Variants in ANO3 observed in about 807,000 individuals in gnomAD.
ANO3 encodes anoctamin-3.
ANO3 carries 99 observed loss-of-function variants against 144.8 expected under a neutral mutation model. The observed-to-expected ratio is 0.68, with a 90% CI of 0.58 to 0.81. The LOEUF (loss-of-function observed/expected upper bound fraction) is 0.81, where lower values mean the gene tolerates loss of function less well. Ranked by LOEUF, ANO3 falls within the 30% of genes least tolerant of loss-of-function variation. The probability of loss-of-function intolerance (pLI) is 0.00; values close to 1 mark genes in which losing one functional copy is unlikely to be tolerated. For synonymous variants in ANO3, 414 were observed against 392.6 expected (o/e 1.05, Z -0.64); for missense variants, 905 against 1,202.2 (o/e 0.75, Z 3.66).
intron 1 of ANO3, among the ~76,000 whole-genome samples, chr11:26,342,879 T>C (rs1157201849): frequency 2.0e-5 from 3 of 152,230 alleles, no homozygotes; most frequent in Non-Finnish European, 4.4e-5. Flanking sequence ...CAAATAAGGA[T>C]TGTATATATA....
chr11:26,638,393 A>G (rs2133051353), intron 20 of ANO3, among the ~76,000 whole-genome samples: 1 of 152,340 alleles, frequency 6.6e-6, no homozygotes, highest in South Asian at 2.1e-4. Context: ...GTCTAAACAT[A>G]AGAAAAACCA....
At chr11:26,506,841 A>G (rs960475891) in intron 4 of ANO3, among the ~76,000 whole-genome samples, 7 of 152,144 alleles carry the variant, frequency 4.6e-5, no homozygotes, top group Non-Finnish European at 5.9e-5. Context: ...ATCTCCTTAA[A>G]CATCAGGTTG....
chr11:26,216,127 T>C (rs1251457514), intron 1 of ANO3, among the ~76,000 whole-genome samples: 3 of 152,072 alleles, frequency 2.0e-5, no homozygotes, highest in Non-Finnish European at 2.9e-5. Context: ...TATAATACGT[T>C]ATTCCTTTTA....
chr11:26,407,264 A>G (rs1857313700), intron 1 of ANO3, among the ~76,000 whole-genome samples: 1 of 151,240 alleles, frequency 6.6e-6, no homozygotes, highest in African/African-American at 2.4e-5. Flanking sequence ...TTGTTCTATT[A>G]CTTTGAGTGC....
intron 1 of ANO3, among the ~76,000 whole-genome samples, chr11:26,296,612 T>C (rs1777590943): frequency 6.6e-6 from 1 of 152,162 alleles, no homozygotes; most frequent in African/African-American, 2.4e-5. Flanking sequence ...TCAATCATTC[T>C]TACTATCTTG....
At chr11:26,316,788 T>A (rs1036175176) in intron 1 of ANO3, among the ~76,000 whole-genome samples, 1 of 152,162 alleles carries the variant, frequency 6.6e-6, no homozygotes, top group African/African-American at 2.4e-5. Context: ...GGGATAGGAA[T>A]CTTGGTGATG....
chr11:26,531,851 GTTTA>G (rs775210495), intron 8 of ANO3, among the ~76,000 whole-genome samples: 3 of 151,924 alleles, frequency 2.0e-5, no homozygotes, highest in Admixed American at 6.6e-5. Flanking sequence ...ATACATACCT[GTTTA>G]TTTATTCATG....
At chr11:26,604,955 G>A (rs907864719) in intron 17 of ANO3, among the ~76,000 whole-genome samples, 1 of 152,166 alleles carries the variant, frequency 6.6e-6, no homozygotes, top group Admixed American at 6.5e-5. Flanking sequence ...ATACTATGTT[G>A]AATAGGAGTG....
chr11:26,434,792 T>C (rs1383784656), intron 1 of ANO3, among the ~76,000 whole-genome samples: 2 of 152,150 alleles, frequency 1.3e-5, no homozygotes, highest in African/African-American at 4.8e-5. Flanking sequence ...CAAGAGTGTG[T>C]TTGGTATCAT....
chr11:26,297,771 T>C (rs1590242444), intron 1 of ANO3, among the ~76,000 whole-genome samples: 1 of 152,344 alleles, frequency 6.6e-6, no homozygotes, highest in African/African-American at 2.4e-5. Context: ...TCCATGTGTA[T>C]CATTTCTTTT....
chr11:26,477,516 A>C (rs1467117167), intron 4 of ANO3, among the ~76,000 whole-genome samples: 1 of 152,116 alleles, frequency 6.6e-6, no homozygotes, highest in African/African-American at 2.4e-5. Flanking sequence ...CTCTCATAGC[A>C]CTTGCACCTC....
chr11:26,536,122 C>G (rs1191111736), intron 9 of ANO3, among the ~76,000 whole-genome samples: 4 of 13,890 alleles, frequency 2.9e-4, no homozygotes, highest in Non-Finnish European at 2.1e-4. Context: ...GGGTTCAAGA[C>G]CAGCCTGGCC....
intron 6 of ANO3, among the ~76,000 whole-genome samples, chr11:26,519,427 T>C (rs17309125): frequency 0.11 from 16,742 of 152,244 alleles, 1,287 homozygotes; most frequent in Admixed American, 0.15. Context: ...TACTTTCATT[T>C]AATAGAATAG....
chr11:26,283,768 T>C (rs1853738388), intron 1 of ANO3, among the ~76,000 whole-genome samples: 1 of 152,164 alleles, frequency 6.6e-6, no homozygotes, highest in Admixed American at 6.5e-5. Flanking sequence ...CCTTAAATTC[T>C]AATGGAGGAG....
chr11:26,199,822 GT>G (rs1041699193), intron 1 of ANO3, among the ~76,000 whole-genome samples: 36 of 152,242 alleles, frequency 2.4e-4, no homozygotes, highest in African/African-American at 8.4e-4. Flanking sequence ...CAGTGGCCAT[GT>G]TTTTTGTTTC....
intron 1 of ANO3, among the ~76,000 whole-genome samples, chr11:26,440,699 T>A (rs941894665): frequency 9.9e-5 from 15 of 152,092 alleles, no homozygotes; most frequent in African/African-American, 3.1e-4. Flanking sequence ...TGTGGGGATA[T>A]GGTGCAGTGC....
chr11:26,365,955 TATATATATATATATATATATA>T (rs1486789713), intron 1 of ANO3, among the ~76,000 whole-genome samples: 8 of 268 alleles, frequency 0.03, no homozygotes, highest in Admixed American at 0.17. Context: ...ATTTTTTCTT[TATATATATATATATATATATA>T]TATATATATA....
At chr11:26,325,550 C>A (rs1854862167) in intron 1 of ANO3, among the ~76,000 whole-genome samples, 1 of 152,080 alleles carries the variant, frequency 6.6e-6, no homozygotes, top group African/African-American at 2.4e-5. Context: ...TAAATGGTTT[C>A]AAGTCATCAA....
chr11:26,393,513 A>G (rs1856932970), intron 1 of ANO3, among the ~76,000 whole-genome samples: 1 of 152,158 alleles, frequency 6.6e-6, no homozygotes, highest in Non-Finnish European at 1.5e-5. Context: ...ATATAATACA[A>G]TGAAGAGCTC....
Sources: allele counts gnomAD v4.1 joint callset (sites outside exome capture counted in the v4.1 genomes callset), GRCh38; gene constraint gnomAD v4.1.1; transcripts MANE v1.5; gene names NCBI Gene and HGNC (gene_info 2026-07-23, HGNC 2026-07-21).